IMMP2L: variants seen among roughly 807,000 people sequenced by gnomAD.
IMMP2L encodes the protein mitochondrial inner membrane protease subunit 2.
Under a neutral mutation model 19.3 loss-of-function variants are expected in IMMP2L, and 18 were observed. That is an observed-to-expected ratio of 0.93 (90% CI 0.64 to 1.38). The LOEUF is 1.38. Ranked by LOEUF, IMMP2L falls within the 40% of genes most tolerant of loss-of-function variation. The probability of loss-of-function intolerance (pLI) is 0.00; values close to 1 mark genes in which losing one functional copy is unlikely to be tolerated. For missense variants in IMMP2L, 233 were observed against 218.2 expected (o/e 1.07, Z -0.43); for synonymous variants, 76 against 73.0 (o/e 1.04, Z -0.21).
At chr7:111,345,646 C>G (rs575595567) in intron 3 of IMMP2L, among the ~76,000 whole-genome samples, 1 of 152,172 alleles carries the variant, frequency 6.6e-6, no homozygotes, top group Admixed American at 6.6e-5. Flanking sequence ...CATAGAACAT[C>G]AGAGGAGGCT....
intron 3 of IMMP2L, among the ~76,000 whole-genome samples, chr7:111,057,765 T>G (rs1044082241): frequency 1.3e-5 from 2 of 152,338 alleles, no homozygotes; most frequent in Non-Finnish European, 2.9e-5. Flanking sequence ...TCAAGCCTGA[T>G]GAAATGCAAC....
chr7:111,242,296 G>C (rs564222162), intron 3 of IMMP2L, among the ~76,000 whole-genome samples: 3 of 152,138 alleles, frequency 2.0e-5, no homozygotes, highest in South Asian at 4.2e-4. Flanking sequence ...ATATCAGCTA[G>C]GAGAAAATCC....
At chr7:111,205,637 T>C (rs185478394) in intron 3 of IMMP2L, among the ~76,000 whole-genome samples, 2 of 152,076 alleles carry the variant, frequency 1.3e-5, no homozygotes, top group East Asian at 1.9e-4. Flanking sequence ...AAAAAAACAT[T>C]AAATAAAAAT....
chr7:111,322,928 ATTTT>A (rs900626678), intron 3 of IMMP2L, among the ~76,000 whole-genome samples: 8 of 149,642 alleles, frequency 5.3e-5, no homozygotes, highest in Non-Finnish European at 1.0e-4. Context: ...TACTTACATA[ATTTT>A]TTTTTTACAA....
At chr7:111,171,294 A>C (rs1242993010) in intron 3 of IMMP2L, among the ~76,000 whole-genome samples, 3 of 151,708 alleles carry the variant, frequency 2.0e-5, no homozygotes, top group African/African-American at 7.3e-5. Context: ...AAATTTTCCC[A>C]TGAGGCCTCA....
intron 3 of IMMP2L, among the ~76,000 whole-genome samples, chr7:111,252,914 T>C (rs1181069280): frequency 6.6e-6 from 1 of 152,158 alleles, no homozygotes; most frequent in Non-Finnish European, 1.5e-5. Context: ...AAGAGTAATG[T>C]AATTTATAAG....
intron 3 of IMMP2L, among the ~76,000 whole-genome samples, chr7:111,345,426 C>T (rs1000020802): frequency 6.6e-6 from 1 of 152,060 alleles, no homozygotes; most frequent in Non-Finnish European, 1.5e-5. Context: ...CTGGGGTTTA[C>T]AGGATGTTGA....
intron 3 of IMMP2L, chr7:111,124,563 C>A: frequency 1.2e-6 from 2 of 1,613,492 alleles, no homozygotes; most frequent in South Asian, 2.2e-5. Flanking sequence ...ATATTCCCAC[C>A]ATCTATCAGA....
intron 5 of IMMP2L, among the ~76,000 whole-genome samples, chr7:110,806,016 C>T (rs1389069426): frequency 1.2e-4 from 18 of 152,012 alleles, no homozygotes; most frequent in Admixed American, 3.9e-4. Flanking sequence ...GCCATTCATT[C>T]AATAAATCAA....
intron 3 of IMMP2L, among the ~76,000 whole-genome samples, chr7:111,205,213 T>C (rs990156985): frequency 2.6e-5 from 4 of 152,190 alleles, no homozygotes; most frequent in African/African-American, 9.7e-5. Flanking sequence ...ATAAGGTCAC[T>C]AATCCCATTC....
chr7:110,676,471 T>C (rs1792308774), intron 5 of IMMP2L, among the ~76,000 whole-genome samples: 1 of 152,108 alleles, frequency 6.6e-6, no homozygotes, highest in South Asian at 2.1e-4. Flanking sequence ...CAGGCAGAGG[T>C]TCTAGCTCAC....
At chr7:110,668,319 A>G (rs868725288) in intron 5 of IMMP2L, among the ~76,000 whole-genome samples, 2 of 152,220 alleles carry the variant, frequency 1.3e-5, no homozygotes, top group Non-Finnish European at 1.5e-5. Context: ...GACCTAAGTG[A>G]TCTGTCATAT....
intron 3 of IMMP2L, among the ~76,000 whole-genome samples, chr7:111,273,461 C>G (rs1391585645): frequency 2.0e-5 from 3 of 151,926 alleles, no homozygotes; most frequent in Non-Finnish European, 4.4e-5. Flanking sequence ...ATATGGAAAA[C>G]TAGACATCAT....
Position 110,877,678 on chromosome 7 carries a change from G to A in IMMP2L, c.408+8915C>T, listed in dbSNP as rs1182499307. ...AGACTGCGCTTAGGCCTCGGCAAGA[G>A]GCACTACTTTTTTGGTGCCTGTGTT... On this transcript the variant is annotated intron_variant, in intron 5 of 5. Coordinates refer to ENST00000405709, the MANE Select transcript of IMMP2L (RefSeq NM_032549.4). This position sits in a 1 kb window ranked among gnomAD's most constrained non-coding sequence, Gnocchi z 4.0. 2.0e-5 allele frequency among the ~76,000 whole-genome samples: 3 copies of A among 152,092 alleles called. No individual in the cohort carries two copies. Among genetic ancestry groups the A allele is most frequent in the South Asian group, 4.1e-4 (2 of 4,826 alleles).
At chr7:111,236,903 C>A (rs918670189) in intron 3 of IMMP2L, among the ~76,000 whole-genome samples, 12 of 152,148 alleles carry the variant, frequency 7.9e-5, no homozygotes, top group African/African-American at 7.2e-5. Flanking sequence ...CCCTTTCATA[C>A]GGTGTATCTG....
chr7:111,235,969 T>C (rs945930854), intron 3 of IMMP2L, among the ~76,000 whole-genome samples: 4 of 152,112 alleles, frequency 2.6e-5, no homozygotes, highest in African/African-American at 9.7e-5. Context: ...CACAGATCCA[T>C]CCAGCAAATT....
At position 111,469,850 on chromosome 7, in the gene IMMP2L, C is replaced by T. The variant is rs537237747; in HGVS notation, c.239+17388G>A. On this transcript the variant is annotated intron_variant, in intron 3 of 5. Coordinates refer to ENST00000405709, the MANE Select transcript of IMMP2L (RefSeq NM_032549.4). ...ATGTCTAAAACACCAAAAGCAATGG[C>T]AACAAAAGCCAAAATTGACAAATGG... 2.8e-4 allele frequency among the ~76,000 whole-genome samples: 42 copies of T among 152,140 alleles called. 2 individuals are homozygous for T. Among genetic ancestry groups the T allele is most frequent in the African/African-American group, 1.0e-3 (42 of 41,498 alleles).
At chr7:111,534,926 T>C (rs1056767763) in intron 1 of IMMP2L, among the ~76,000 whole-genome samples, 2 of 152,156 alleles carry the variant, frequency 1.3e-5, no homozygotes, top group African/African-American at 2.4e-5. Flanking sequence ...TTTTCAACTT[T>C]GATGAAATTG....
In IMMP2L at chr7:110,980,623, T is replaced by C. The variant is rs145584068; in HGVS notation, c.240-17058A>G. ...TTCAGTGAGTTTTTACATGACTAGA[T>C]ACATGAAATTATTTATATTTAGTAT... On this transcript the variant is annotated intron_variant, in intron 3 of 5. Coordinates refer to ENST00000405709, the MANE Select transcript of IMMP2L (RefSeq NM_032549.4). Among the ~76,000 whole-genome samples the C allele has an allele frequency of 7.0e-3, 1,071 of 152,288 alleles. 12 individuals are homozygous for C. The highest frequency in any genetic ancestry group is 0.025 in the African/African-American group (1,034 of 41,570).
Sources: gnomAD v4.1 joint callset for allele counts (sites outside exome capture counted in the v4.1 genomes callset) on GRCh38, gnomAD v4.1.1 for gene constraint, Gnocchi (gnomAD v3.1) non-coding constraint, MANE v1.5 for transcripts, NCBI Gene and HGNC (gene_info 2026-07-23, HGNC 2026-07-21) for gene names.